URGCP: variants seen among roughly 807,000 people sequenced by gnomAD.
The protein encoded by URGCP is up-regulator of cell proliferation.
Under a neutral mutation model 24.6 loss-of-function variants are expected in URGCP, and 13 were observed. The ratio of observed to expected loss-of-function variants is 0.53; its 90% CI spans 0.34 to 0.84. URGCP has a LOEUF of 0.84. URGCP is among the 40% of genes least tolerant of loss of function. The probability of loss-of-function intolerance (pLI) is 0.01; values close to 1 mark genes in which losing one functional copy is unlikely to be tolerated. For missense variants in URGCP, 899 were observed against 1,194.3 expected, an observed-to-expected ratio of 0.75 and a Z score of 3.64; for synonymous variants, 444 against 487.2, an observed-to-expected ratio of 0.91 and a Z score of 1.17.
intron 1 of URGCP, among the ~76,000 whole-genome samples, chr7:43,896,537 T>C (rs1049270038): frequency 1.3e-5 from 2 of 151,910 alleles, no homozygotes; most frequent in African/African-American, 4.8e-5. Flanking sequence ...AGGGTGAATA[T>C]GGTTAACTAC....
chr7:43,910,389 T>A (rs2095908743), upstream of URGCP, among the ~76,000 whole-genome samples: 2 of 130,804 alleles, frequency 1.5e-5, no homozygotes, highest in Admixed American at 1.5e-4. Context: ...CTAATTTTTT[T>A]TTTTTTTTTT....
intron 1 of URGCP, among the ~76,000 whole-genome samples, chr7:43,905,048 C>T (rs1030888841): frequency 2.0e-5 from 3 of 152,118 alleles, no homozygotes; most frequent in African/African-American, 4.8e-5. Flanking sequence ...GGGGGTCACA[C>T]AAATAATCAC....
At chr7:43,892,625 T>C (rs1371030975) in intron 1 of URGCP, among the ~76,000 whole-genome samples, 1 of 152,114 alleles carries the variant, frequency 6.6e-6, no homozygotes, top group Admixed American at 6.5e-5. Flanking sequence ...TGTGAACTCA[T>C]TTTAACTAAT....
chr7:43,926,373 G>A (rs1015183538), exon 1 of URGCP: 1 of 437,098 alleles, frequency 2.3e-6, no homozygotes, highest in African/African-American at 2.1e-5. Context: ...CCTCGGCCGC[G>A]CCAGGACGCT....
chr7:43,899,590 T>C (rs769421963), intron 1 of URGCP, among the ~76,000 whole-genome samples: 27 of 152,082 alleles, frequency 1.8e-4, no homozygotes, highest in Non-Finnish European at 3.5e-4. Flanking sequence ...AATTAAATAG[T>C]CTAAAATAAT....
chr7:43,917,421 T>C (rs2095916710), intron 1 of URGCP, among the ~76,000 whole-genome samples: 1 of 152,198 alleles, frequency 6.6e-6, no homozygotes, highest in Non-Finnish European at 1.5e-5. Context: ...CCCAGCAAAC[T>C]GGCCAGTGGC....
At chr7:43,909,671 A>C (rs952437734), upstream of URGCP, among the ~76,000 whole-genome samples, 73 of 152,150 alleles carry the variant, frequency 4.8e-4, no homozygotes, top group Non-Finnish European at 9.7e-4. Context: ...GGCTGCAGTG[A>C]CTGCAGCCAC....
At chr7:43,917,326 T>C (rs1322662819) in intron 1 of URGCP, among the ~76,000 whole-genome samples, 1 of 152,214 alleles carries the variant, frequency 6.6e-6, no homozygotes, top group East Asian at 1.9e-4. Context: ...GCTCTGCATG[T>C]CTCTCCGTAT....
At chr7:43,903,712 C>T (rs907595636) in intron 1 of URGCP, among the ~76,000 whole-genome samples, 1 of 152,134 alleles carries the variant, frequency 6.6e-6, no homozygotes, top group African/African-American at 2.4e-5. Context: ...GAAAATTACA[C>T]ACTACTCCCA....
At chr7:43,918,724 T>TC (rs2095918564) in intron 1 of URGCP, 1 of 733,820 alleles carries the variant, frequency 1.4e-6, no homozygotes, top group Admixed American at 2.1e-5. Flanking sequence ...CACCCACAAT[T>TC]GGGCCAGTGC....
intron 1 of URGCP, among the ~76,000 whole-genome samples, chr7:43,902,645 G>A (rs190527873): frequency 1.5e-3 from 221 of 152,340 alleles, no homozygotes; most frequent in African/African-American, 4.9e-3. Context: ...CCGGGTAAGC[G>A]AAGATGCCAT....
intron 1 of URGCP, chr7:43,918,696 G>T: frequency 1.5e-6 from 1 of 679,924 alleles, no homozygotes; most frequent in Non-Finnish European, 2.7e-6. Context: ...CCTGAGGAGC[G>T]ATACCAAGAG....
intron 3 of URGCP, among the ~76,000 whole-genome samples, chr7:43,886,730 G>T (rs1353976775): frequency 6.6e-6 from 1 of 152,076 alleles, no homozygotes; most frequent in East Asian, 1.9e-4. Flanking sequence ...TCCAGCCTGG[G>T]CAATAAAGGC....
intron 3 of URGCP, 26 bp from the exon 4 acceptor site, chr7:43,881,983 A>T: frequency 6.2e-7 from 1 of 1,613,872 alleles, no homozygotes; most frequent in Non-Finnish European, 8.5e-7. Flanking sequence ...AACCAAATAC[A>T]TTTAGTTTCA....
chr7:43,897,229 A>AATAAATAC (rs1246100133), intron 1 of URGCP, among the ~76,000 whole-genome samples: 100 of 152,278 alleles, frequency 6.6e-4, no homozygotes, highest in Middle Eastern at 3.4e-3. Flanking sequence ...TAAATAAATA[A>AATAAATAC]AAATTTAAAA....
chr7:43,897,738 C>T (rs75041988), intron 1 of URGCP, among the ~76,000 whole-genome samples: 15,009 of 152,094 alleles, frequency 0.099, 944 homozygotes, highest in Middle Eastern at 0.16. Context: ...GGATCACAAA[C>T]GCTCCATTAT....
At chr7:43,901,876 G>A (rs1480623172) in intron 1 of URGCP, among the ~76,000 whole-genome samples, 1 of 152,224 alleles carries the variant, frequency 6.6e-6, no homozygotes, top group Admixed American at 6.5e-5. Context: ...ACTTTTGACA[G>A]CCAATGGATG....
At chr7:43,924,273 A>G (rs1368193112) in intron 1 of URGCP, among the ~76,000 whole-genome samples, 1 of 152,226 alleles carries the variant, frequency 6.6e-6, no homozygotes, top group Admixed American at 6.5e-5. Flanking sequence ...AAAACTATGC[A>G]CTAAACTACC....
At chr7:43,882,591 G>C (rs2095855643) in intron 3 of URGCP, among the ~76,000 whole-genome samples, 1 of 150,872 alleles carries the variant, frequency 6.6e-6, no homozygotes, top group African/African-American at 2.4e-5. Context: ...GTGGGCATCA[G>C]AGCAAGACCC....
Sources: allele counts gnomAD v4.1 joint callset (sites outside exome capture counted in the v4.1 genomes callset), GRCh38; gene constraint gnomAD v4.1.1; transcripts MANE v1.5; gene names NCBI Gene and HGNC (gene_info 2026-07-23, HGNC 2026-07-21).